The following SIM1 variants were observed in gnomAD, a reference collection of about 807,000 sequenced individuals.
The protein encoded by SIM1 is single-minded homolog 1.
Under a neutral mutation model 78.2 loss-of-function variants are expected in SIM1, and 18 were observed. The ratio of observed to expected loss-of-function variants is 0.23; its 90% confidence interval spans 0.16 to 0.34. The LOEUF (loss-of-function observed/expected upper bound fraction) is 0.34, where lower values mean the gene tolerates loss of function less well. SIM1 is among the 10% of genes least tolerant of loss of function. The pLI is 1.00. For missense variants in SIM1, 939 were observed against 975.1 expected (o/e 0.96, Z 0.49); for synonymous variants, 417 against 385.2 (o/e 1.08, Z -0.97).
At chr6:100,394,917 G>T (rs954718638) in intron 10 of SIM1, among the ~76,000 whole-genome samples, 8 of 152,156 alleles carry the variant, frequency 5.3e-5, no homozygotes, top group African/African-American at 1.9e-4. Flanking sequence ...ACTAGGATGT[G>T]CCTCTTGTTT....
At chr6:100,450,696 T>TCTCTCTCTCTCA (rs1421452803) in intron 3 of SIM1, among the ~76,000 whole-genome samples, 2,867 of 91,794 alleles carry the variant, frequency 0.031, 46 homozygotes, top group Admixed American at 0.043. Flanking sequence ...TCTCTCTCTC[T>TCTCTCTCTCTCA]CACACACACA....
At chr6:100,458,006 TTCTCTCTCTCTCTCTC>T (rs71028024) in intron 2 of SIM1, among the ~76,000 whole-genome samples, 2,898 of 89,544 alleles carry the variant, frequency 0.032, 37 homozygotes, top group African/African-American at 0.054. Context: ...GTCTCTCTCT[TTCTCTCTCTCTCTCTC>T]TCTCTCTCTC....
At chr6:100,433,909 T>A (rs1395951834) in intron 9 of SIM1, among the ~76,000 whole-genome samples, 1 of 152,172 alleles carries the variant, frequency 6.6e-6, no homozygotes, top group East Asian at 1.9e-4. Context: ...GCTGAGTGAA[T>A]GCATGAACCA....
intron 3 of SIM1, among the ~76,000 whole-genome samples, chr6:100,452,956 C>T (rs920948375): frequency 3.3e-5 from 5 of 152,144 alleles, no homozygotes; most frequent in Non-Finnish European, 7.4e-5. Context: ...TTAGATTCCC[C>T]AAATGCTGCT....
chr6:100,418,901 C>T (rs1771483311), intron 10 of SIM1, among the ~76,000 whole-genome samples: 1 of 152,208 alleles, frequency 6.6e-6, no homozygotes, highest in African/African-American at 2.4e-5. Context: ...GGCATGGTGG[C>T]TCATGTCTGT....
At chr6:100,420,713 G>C in intron 10 of SIM1, 77 bp downstream of exon 10, 1 of 1,390,646 alleles carries the variant, frequency 7.2e-7, no homozygotes, top group Non-Finnish European at 1.0e-6. Flanking sequence ...ATTCCAAATA[G>C]TTTTAATACT....
chr6:100,396,484 C>T (rs538953820), intron 10 of SIM1, among the ~76,000 whole-genome samples: 9 of 152,192 alleles, frequency 5.9e-5, no homozygotes, highest in Non-Finnish European at 1.0e-4. Flanking sequence ...GTATACATTT[C>T]AAGAGCACCC....
At chr6:100,429,709 G>A (rs970450662) in intron 9 of SIM1, among the ~76,000 whole-genome samples, 2 of 152,028 alleles carry the variant, frequency 1.3e-5, no homozygotes, top group Non-Finnish European at 2.9e-5. Flanking sequence ...TCTCTAGTAT[G>A]TGTGACTTTT....
intron 6 of SIM1, 94 bp from the exon 7 acceptor site, chr6:100,448,772 A>T: frequency 3.4e-6 from 4 of 1,163,112 alleles, no homozygotes; most frequent in Non-Finnish European, 3.6e-6. Flanking sequence ...AACTCTGCTT[A>T]GCCCCAAAGC....
At chr6:100,442,962 A>G (rs1772253325) in intron 9 of SIM1, among the ~76,000 whole-genome samples, 1 of 152,094 alleles carries the variant, frequency 6.6e-6, no homozygotes, top group East Asian at 1.9e-4. Context: ...TAATTCTAAG[A>G]ACTACAGTGG....
intron 9 of SIM1, among the ~76,000 whole-genome samples, chr6:100,428,730 A>C (rs2114514909): frequency 6.6e-6 from 1 of 152,096 alleles, no homozygotes; most frequent in South Asian, 2.1e-4. Flanking sequence ...GATAGTGCCA[A>C]ACCCTATGCC....
At chr6:100,397,206 T>C (rs910240577) in intron 10 of SIM1, among the ~76,000 whole-genome samples, 5 of 152,198 alleles carry the variant, frequency 3.3e-5, no homozygotes, top group African/African-American at 1.2e-4. Context: ...TGCCTTTTGG[T>C]CAATGAATTA....
intron 11 of SIM1, among the ~76,000 whole-genome samples, chr6:100,391,913 C>T: frequency 6.6e-6 from 1 of 152,286 alleles, no homozygotes. Flanking sequence ...TGGCTCACAC[C>T]TGTAATCCCA....
intron 6 of SIM1, 71 bp downstream of exon 6, chr6:100,449,292 C>G: frequency 7.6e-7 from 1 of 1,318,844 alleles, no homozygotes; most frequent in South Asian, 1.2e-5. Flanking sequence ...AGGGACATTC[C>G]TCCCACGCCG....
chr6:100,436,115 T>C (rs577548654), intron 9 of SIM1, among the ~76,000 whole-genome samples: 35 of 152,170 alleles, frequency 2.3e-4, no homozygotes, highest in Non-Finnish European at 4.1e-4. Flanking sequence ...GAGCTCATTT[T>C]TCAGGAGTGA....
At chr6:100,455,220 C>G (rs1273361242) in intron 2 of SIM1, among the ~76,000 whole-genome samples, 3 of 152,190 alleles carry the variant, frequency 2.0e-5, no homozygotes, top group Non-Finnish European at 2.9e-5. Flanking sequence ...GTTTGCACAT[C>G]TAAATAAATC....
At chr6:100,454,013 G>A (rs767680145) in intron 2 of SIM1, among the ~76,000 whole-genome samples, 169 bp from the exon 3 acceptor site, 1 of 152,174 alleles carries the variant, frequency 6.6e-6, no homozygotes. Context: ...ATTTCAGTCC[G>A]TCCTGTCAGC....
In SIM1 at chr6:100,393,874, T is replaced by A. The variant is rs1248575377; in HGVS notation, c.1183A>T (p.Thr395Ser). Residue 395 changes from threonine to serine, a missense_variant, in exon 11 of 12, where the codon ACA (threonine) becomes TCA (serine). Transcript: ENST00000369208. ...TCATGATCAGATTCCGATCTTTCTG[T>A]GTGAAATCCCGAATACTGAAACCGA... is the stretch of plus-strand genomic sequence containing the variant. ...SPYPQYSGFHTERSESDHDSQ... is the reference protein window; with the variant it reads ...SPYPQYSGFHSERSESDHDSQ... 3.2e-6 allele frequency: 5 copies of A among 1,559,978 alleles called. No homozygotes were observed. The Admixed American group carries it at 9.4e-5, about 29-fold the overall frequency.
At position 100,446,803 on chromosome 6, in the gene SIM1, G is replaced by T. The variant is rs140155626; in HGVS notation, c.998+465C>A. 1.1e-4 allele frequency among the ~76,000 whole-genome samples: 16 copies of T among 152,280 alleles called. 1 individual carries two copies. The highest frequency in any genetic ancestry group is 3.8e-4 in the African/African-American group (16 of 41,578). ...CACTTAAGCCCCCTTTGTGGTTCAGGGGGGAAGCCACTCTCTCAGAACTCT... is the reference window on the plus strand; with the variant it reads ...CACTTAAGCCCCCTTTGTGGTTCAGTGGGGAAGCCACTCTCTCAGAACTCT... On this transcript the variant is annotated intron_variant, in intron 9 of 11. Transcript: ENST00000369208.
Sources: gnomAD v4.1 joint callset for allele counts (sites outside exome capture counted in the v4.1 genomes callset) on GRCh38, gnomAD v4.1.1 for gene constraint, MANE v1.5 for transcripts, NCBI Gene and HGNC (gene_info 2026-07-23, HGNC 2026-07-21) for gene names.